Variants in SLC66A3 observed in about 807,000 individuals in gnomAD.
SLC66A3 encodes the protein solute carrier family 66 member 3, also known as PQ loop repeat containing 3.
SLC66A3 carries 23 observed loss-of-function variants against 25.5 expected under a neutral mutation model. The observed-to-expected ratio is 0.90, with a 90% CI of 0.65 to 1.28. The LOEUF is 1.28. Ranked by LOEUF, SLC66A3 falls within the 50% of genes most tolerant of loss-of-function variation. The pLI is 0.00. For missense variants in SLC66A3, 246 were observed against 262.1 expected, an observed-to-expected ratio of 0.94 and a Z score of 0.42; for synonymous variants, 108 against 112.6, an observed-to-expected ratio of 0.96 and a Z score of 0.26.
At chr2:11,162,459 G>T (rs1489548204) in intron 3 of SLC66A3, among the ~76,000 whole-genome samples, 1 of 152,210 alleles carries the variant, frequency 6.6e-6, no homozygotes, top group Non-Finnish European at 1.5e-5. Flanking sequence ...GAAAATTTGG[G>T]TGCTGGTGGC....
intron 3 of SLC66A3, 119 bp downstream of exon 3, chr2:11,160,813 A>C (rs1315720991): frequency 1.1e-5 from 16 of 1,466,916 alleles, no homozygotes; most frequent in African/African-American, 1.4e-5. Flanking sequence ...AAAAAAAAAA[A>C]AAAAAAAATC....
chr2:11,160,732 G>A (rs750984259), intron 3 of SLC66A3, 38 bp downstream of exon 3: 1 of 1,613,546 alleles, frequency 6.2e-7, no homozygotes, highest in Non-Finnish European at 8.5e-7. Context: ...TGGGAACGGG[G>A]ATGTTATTTG....
At chr2:11,155,734 T>A in intron 1 of SLC66A3, 45 bp downstream of exon 1, 1 of 1,322,270 alleles carries the variant, frequency 7.6e-7, no homozygotes, top group Non-Finnish European at 9.7e-7. Context: ...CCCTCGCAGC[T>A]GCTGCCGGCT....
At chr2:11,176,730 G>T (rs968609374) in intron 6 of SLC66A3, among the ~76,000 whole-genome samples, 2 of 144,356 alleles carry the variant, frequency 1.4e-5, no homozygotes, top group South Asian at 4.5e-4. Context: ...GGGTTTCACC[G>T]TTTTAGCCGG....
chr2:11,157,550 C>T (rs576700122), intron 1 of SLC66A3, among the ~76,000 whole-genome samples: 405 of 149,752 alleles, frequency 2.7e-3, no homozygotes, highest in African/African-American at 8.8e-3. Context: ...GCTGGGCCCC[C>T]GGGCCCCTGA....
intron 5 of SLC66A3, 130 bp downstream of exon 5, chr2:11,172,175 G>A (rs946903782): frequency 4.0e-6 from 3 of 741,962 alleles, no homozygotes; most frequent in Non-Finnish European, 6.4e-6. Flanking sequence ...TACTCAGCTA[G>A]AACCTCCTAA....
chr2:11,175,710 AG>A (rs1168461813), intron 6 of SLC66A3, among the ~76,000 whole-genome samples: 1 of 152,184 alleles, frequency 6.6e-6, no homozygotes, highest in Non-Finnish European at 1.5e-5. Flanking sequence ...GTCATGGAGG[AG>A]GAAATACTAT....
rs1275996013 is a variant in SLC66A3 at position 11,178,755 on chromosome 2, TCA to T, written c.*929_*930del. 1 of 152,218 alleles carries T rather than the reference TCA, an allele frequency of 6.6e-6. No individual in the cohort carries two copies. The highest frequency in any genetic ancestry group is 1.5e-5 in the Non-Finnish European group (1 of 68,034). 9.4% of individuals were successfully genotyped at this position (152,218 alleles called of 1,614,324 possible). ...TAAATTAACCCTAATGTTTAAAAAC[TCA>T]CTTTCCCCCTTTAATTGAAGGCATT... On this transcript the variant is annotated 3_prime_UTR_variant, in exon 7 of 7. Transcript: ENST00000295083.
intron 1 of SLC66A3, among the ~76,000 whole-genome samples, chr2:11,158,068 TG>T (rs1244784452): frequency 6.6e-6 from 1 of 152,070 alleles, no homozygotes; most frequent in Non-Finnish European, 1.5e-5. Context: ...CCAGCCTGGG[TG>T]GGGGTACGTT....
intron 5 of SLC66A3, 112 bp downstream of exon 5, chr2:11,172,157 C>A: frequency 2.1e-6 from 2 of 960,304 alleles, no homozygotes; most frequent in Non-Finnish European, 1.5e-6. Flanking sequence ...TACTACTTTA[C>A]AAATGGCTAC....
rs1056269339 is a variant in SLC66A3, at chr2:11,155,768, C to T, written c.143+79C>T. The T allele has an allele frequency of 9.6e-6, 12 of 1,253,536 alleles. No individual in the cohort carries two copies. The African/African-American group carries it at 1.7e-4, about 18-fold the overall frequency. 77.7% of individuals were successfully genotyped at this position (1,253,536 alleles called of 1,614,324 possible). A position where few individuals can be genotyped will look rare whatever the true frequency, so the allele number is the denominator to read the frequency against. ...CTGGGAGCCCAGGAGAGCCTCGGCT[C>T]GAAGTAGGGCGGGGATGATCCCCGC... On this transcript the variant is annotated intron_variant, in intron 1 of 6. Coordinates refer to ENST00000295083, the MANE Select transcript of SLC66A3 (RefSeq NM_152391.5).
At chr2:11,172,169 C>A in intron 5 of SLC66A3, 124 bp downstream of exon 5, 1 of 771,508 alleles carries the variant, frequency 1.3e-6, no homozygotes, top group East Asian at 2.8e-5. Flanking sequence ...AATGGCTACT[C>A]AGCTAGAACC....
At chr2:11,156,573 G>C (rs1661909890) in intron 1 of SLC66A3, among the ~76,000 whole-genome samples, 1 of 152,098 alleles carries the variant, frequency 6.6e-6, no homozygotes, top group Admixed American at 6.5e-5. Flanking sequence ...AAGAAGCCAA[G>C]GGGTGCGGGG....
At chr2:11,177,623 TG>T (rs1351869383) in intron 6 of SLC66A3, 113 bp from the exon 7 acceptor site, 1 of 636,710 alleles carries the variant, frequency 1.6e-6, no homozygotes, top group African/African-American at 1.9e-5. Flanking sequence ...GAACCAAAAT[TG>T]TTCATTTCGG....
At chr2:11,161,758 C>T (rs548239486) in intron 3 of SLC66A3, among the ~76,000 whole-genome samples, 9 of 152,326 alleles carry the variant, frequency 5.9e-5, no homozygotes, top group East Asian at 1.9e-4. Flanking sequence ...CGGACTCAAG[C>T]GATCTTTCCA....
intron 4 of SLC66A3, among the ~76,000 whole-genome samples, chr2:11,171,251 G>T (rs1037674418): frequency 6.6e-6 from 1 of 152,084 alleles, no homozygotes; most frequent in African/African-American, 2.4e-5. Flanking sequence ...CTGGGAGGTG[G>T]AGGTTGCAGT....
intron 4 of SLC66A3, among the ~76,000 whole-genome samples, chr2:11,169,006 C>T (rs376116061): frequency 1.1e-4 from 16 of 152,026 alleles, no homozygotes; most frequent in African/African-American, 2.9e-4. Flanking sequence ...CACAGGCACA[C>T]GCCACCACGC....
At chr2:11,168,249 C>T (rs1662421187) in intron 4 of SLC66A3, among the ~76,000 whole-genome samples, 1 of 151,194 alleles carries the variant, frequency 6.6e-6, no homozygotes, top group Admixed American at 6.6e-5. Flanking sequence ...TGAGCCACTG[C>T]ACTCCAGCCT....
At chr2:11,165,854 A>C (rs2147992388) in intron 4 of SLC66A3, among the ~76,000 whole-genome samples, 1 of 152,282 alleles carries the variant, frequency 6.6e-6, no homozygotes, top group Non-Finnish European at 1.5e-5. Flanking sequence ...TCTCCACCAA[A>C]AAAATACGAA....
Sources: gnomAD v4.1 joint callset for allele counts (sites outside exome capture counted in the v4.1 genomes callset) on GRCh38, gnomAD v4.1.1 for gene constraint, MANE v1.5 for transcripts, NCBI Gene and HGNC (gene_info 2026-07-23, HGNC 2026-07-21) for gene names.